LRRC49: variants seen among roughly 807,000 people sequenced by gnomAD.
LRRC49 encodes the protein leucine rich repeat containing 49.
In LRRC49, 50 loss-of-function variants were observed where a neutral mutation model predicts 83.3. That is an observed-to-expected ratio of 0.60 (90% CI 0.48 to 0.76). The LOEUF is 0.76. LRRC49 is among the 30% of genes least tolerant of loss of function. The pLI is 0.00. For missense variants in LRRC49, 704 were observed against 809.1 expected, an observed-to-expected ratio of 0.87 and a Z score of 1.58; for synonymous variants, 286 against 283.3, an observed-to-expected ratio of 1.01 and a Z score of -0.10.
intron 3 of LRRC49, 134 bp downstream of exon 3, chr15:70,896,070 G>T (rs2033823719): frequency 1.2e-5 from 7 of 577,088 alleles, no homozygotes; most frequent in East Asian, 3.0e-5. Flanking sequence ...AAATTGGTTT[G>T]GTATTTTTTT....
chr15:70,868,946 A>G (rs2032968366), intron 1 of LRRC49, among the ~76,000 whole-genome samples: 1 of 152,220 alleles, frequency 6.6e-6, no homozygotes, highest in Non-Finnish European at 1.5e-5. Flanking sequence ...TACCTCTAAG[A>G]AAATAATCAG....
At chr15:70,879,068 C>T (rs1391017001) in intron 2 of LRRC49, among the ~76,000 whole-genome samples, 1 of 152,134 alleles carries the variant, frequency 6.6e-6, no homozygotes, top group South Asian at 2.1e-4. Context: ...TCGTCTGGGC[C>T]TAGAGTTTTC....
intron 8 of LRRC49, among the ~76,000 whole-genome samples, chr15:70,948,158 C>G (rs1356697371): frequency 1.3e-5 from 2 of 151,916 alleles, no homozygotes; most frequent in African/African-American, 4.8e-5. Context: ...ATCTCCCCCA[C>G]CCCTCATTGC....
At chr15:70,894,601 A>G (rs1264458293) in intron 2 of LRRC49, 7 of 1,285,456 alleles carry the variant, frequency 5.4e-6, no homozygotes, top group South Asian at 3.7e-5. Flanking sequence ...TCTACACACT[A>G]TGTCTCAAGA....
Position 70,966,598 on chromosome 15 carries a change from G to A in LRRC49, c.921+2666G>A, listed in dbSNP as rs577023059. Among the ~76,000 whole-genome samples the A allele has an allele frequency of 3.4e-4, 52 of 152,154 alleles. 1 individual carries two copies. The South Asian group carries it at 0.01, about 30-fold the overall frequency. On this transcript the variant is annotated intron_variant, in intron 9 of 15. Transcript: ENST00000260382. ...TAAGTAGTTGTGGTTATTTAAAAAT[G>A]ATATAAAATATTTTTTCTTTCTATT...
intron 1 of LRRC49, among the ~76,000 whole-genome samples, chr15:70,867,257 A>G (rs1023976106): frequency 2.6e-5 from 4 of 152,278 alleles, no homozygotes; most frequent in African/African-American, 9.6e-5. Flanking sequence ...ACCATGAAGT[A>G]TCAAAAGAAA....
chr15:70,962,571 A>T (rs2036641396), intron 8 of LRRC49, among the ~76,000 whole-genome samples: 1 of 152,102 alleles, frequency 6.6e-6, no homozygotes, highest in Non-Finnish European at 1.5e-5. Flanking sequence ...ATACATGAGT[A>T]TAGAAAATCT....
At chr15:70,864,256 A>G (rs142301015) in intron 1 of LRRC49, among the ~76,000 whole-genome samples, 1 of 152,274 alleles carries the variant, frequency 6.6e-6, no homozygotes, top group East Asian at 1.9e-4. Context: ...TGACAGACTC[A>G]GTTTCTCTCC....
At chr15:70,932,805 C>T (rs1596035043) in intron 7 of LRRC49, among the ~76,000 whole-genome samples, 1 of 138,340 alleles carries the variant, frequency 7.2e-6, no homozygotes, top group South Asian at 2.4e-4. Flanking sequence ...TCTCGGCTAA[C>T]TGCAACCTCC....
chr15:70,860,378 C>G (rs1197710035), intron 1 of LRRC49, among the ~76,000 whole-genome samples: 2 of 152,234 alleles, frequency 1.3e-5, no homozygotes, highest in African/African-American at 4.8e-5. Flanking sequence ...AAAACCTCAG[C>G]TAGCCCTACC....
chr15:71,006,845 C>T (rs1486022701), intron 11 of LRRC49, among the ~76,000 whole-genome samples: 1 of 151,988 alleles, frequency 6.6e-6, no homozygotes, highest in Admixed American at 6.6e-5. Context: ...TGTTCTGTTC[C>T]AGTATTGATT....
intron 3 of LRRC49, among the ~76,000 whole-genome samples, chr15:70,899,467 G>A (rs1018619559): frequency 1.3e-5 from 2 of 151,960 alleles, no homozygotes; most frequent in East Asian, 1.9e-4. Context: ...TATCCTGCTA[G>A]CATGTGGTCA....
chr15:70,918,561 A>C (rs1350387571), intron 6 of LRRC49: 1 of 152,178 alleles, frequency 6.6e-6, no homozygotes. Context: ...TAGTTCCTTG[A>C]CTCTTTCCAT....
intron 1 of LRRC49, among the ~76,000 whole-genome samples, chr15:70,863,056 G>A (rs2032830259): frequency 6.6e-6 from 1 of 152,186 alleles, no homozygotes; most frequent in South Asian, 2.1e-4. Flanking sequence ...CAACTAGAGG[G>A]GAAAAGGGTA....
At chr15:70,989,273 C>T (rs991636010) in intron 11 of LRRC49, among the ~76,000 whole-genome samples, 1 of 152,202 alleles carries the variant, frequency 6.6e-6, no homozygotes, top group African/African-American at 2.4e-5. Flanking sequence ...TTCAGGTACA[C>T]CAATCAGACG....
intron 1 of LRRC49, chr15:70,854,034 G>A (rs1194378532): frequency 2.8e-6 from 4 of 1,447,404 alleles, no homozygotes; most frequent in East Asian, 3.1e-5. Context: ...ATGGCGACGC[G>A]GATCTGCACC....
At chr15:70,949,330 G>A (rs2036129967) in intron 8 of LRRC49, among the ~76,000 whole-genome samples, 1 of 152,190 alleles carries the variant, frequency 6.6e-6, no homozygotes, top group Admixed American at 6.5e-5. Context: ...AAAAGCTCCT[G>A]TTGTCTAGTG....
At position 70,853,686 on chromosome 15, in the gene LRRC49, GCGA is replaced by G. The variant is rs375695758; in HGVS notation, c.-299+221_-299+223del. On this transcript the variant is annotated intron_variant, in intron 1 of 16. Coordinates refer to the LRRC49 transcript ENST00000544974. ...CGCCAGCCCTGGGAGCCTCGGTTGG[GCGA>G]CGAAGCTGCGGGCTGGGGCACCGGC... 8.5e-5 allele frequency among the ~76,000 whole-genome samples: 13 copies of G among 152,254 alleles called. No homozygotes were observed. The South Asian group carries it at 1.2e-3, about 15-fold the overall frequency.
rs543740643 is a variant in LRRC49 at position 70,989,750 on chromosome 15, A to G, written c.1169+5493A>G. 3.3e-5 allele frequency among the ~76,000 whole-genome samples: 5 copies of G among 151,836 alleles called. No homozygotes were observed. In the South Asian group the frequency reaches 1.0e-3, roughly 32 times the overall value. ...AGTTTTTCTGCTCTGTTTTTTCCCC[A>G]TCTTTGTGGTTTTGTCTACTTTTGG... On this transcript the variant is annotated intron_variant, in intron 11 of 15. Coordinates refer to ENST00000260382, the MANE Select transcript of LRRC49 (RefSeq NM_017691.5).
Sources: gnomAD v4.1 joint callset for allele counts (sites outside exome capture counted in the v4.1 genomes callset) on GRCh38, gnomAD v4.1.1 for gene constraint, MANE v1.5 for transcripts, NCBI Gene and HGNC (gene_info 2026-07-23, HGNC 2026-07-21) for gene names.